Variants in RRBP1 observed in about 807,000 individuals in gnomAD.
RRBP1 encodes the protein ribosome-binding protein 1.
A neutral mutation model predicts 165.2 loss-of-function variants in RRBP1; 94 were observed. That is an observed-to-expected ratio of 0.57 (90% CI 0.48 to 0.68). The LOEUF (loss-of-function observed/expected upper bound fraction) is 0.68, where lower values mean the gene tolerates loss of function less well. Ranked by LOEUF, RRBP1 falls within the 30% of genes least tolerant of loss-of-function variation. The probability of loss-of-function intolerance (pLI) is 0.00; values close to 1 mark genes in which losing one functional copy is unlikely to be tolerated. For synonymous variants in RRBP1, 680 were observed against 714.5 expected (o/e 0.95, Z 0.77); for missense variants, 1,676 against 1,763.0 (o/e 0.95, Z 0.88).
intron 16 of RRBP1, 81 bp from the exon 17 acceptor site, chr20:17,620,888 C>G: frequency 9.8e-7 from 1 of 1,024,918 alleles, no homozygotes; most frequent in Non-Finnish European, 1.4e-6. Context: ...GTCCCTGCAG[C>G]CCTGGTGACC....
Position 17,682,167 on chromosome 20 carries a change from C to CGCCGCCCGCCCCGTCT in RRBP1, c.-254_-239dup, listed in dbSNP as rs1568796638. ...GCAGCTGTAGACGCTGCGACCCTGA[C>CGCCGCCCGCCCCGTCT]GCCGCCCGCCCCGTCTGCCGTCCGC... On this transcript the variant is annotated 5_prime_UTR_variant, in exon 1 of 25. Coordinates refer to ENST00000377813, the MANE Select transcript of RRBP1 (RefSeq NM_001365613.2). 6.6e-6 allele frequency: 1 copy of CGCCGCCCGCCCCGTCT among 152,200 alleles called. No homozygotes were observed. Among genetic ancestry groups the CGCCGCCCGCCCCGTCT allele is most frequent in the East Asian group, 1.9e-4 (1 of 5,156 alleles). 9.4% of individuals were successfully genotyped at this position (152,200 alleles called of 1,614,324 possible).
At chr20:17,641,656 A>AG in intron 5 of RRBP1, 141 bp downstream of exon 5, 1 of 1,009,014 alleles carries the variant, frequency 9.9e-7, no homozygotes, top group African/African-American at 1.6e-5. Context: ...GATAAGCAGC[A>AG]GTCCCTACTC....
rs375628414 is a variant in RRBP1 at position 17,658,881 on chromosome 20, C to T, written c.1627G>A (p.Ala543Thr). ...SPNQGKKGEG[A>T]PIQGKKADSV... ...TCTGCCTTTTTGCCCTGGATGGGAG[C>T]TCCCTCTCCTTTTTTGCCTTGGTTG... is the stretch of plus-strand genomic sequence containing the variant. Residue 543 changes from alanine to threonine, a missense_variant, in exon 3 of 25, where the codon GCT becomes ACT. Ala to Thr is a moderately conservative substitution (Grantham distance 58, BLOSUM62 0). Transcript: ENST00000377813. 46 of 1,613,558 alleles carry T rather than the reference C, an allele frequency of 2.9e-5. No individual in the cohort carries two copies. The highest frequency in any genetic ancestry group is 1.7e-4 in the Admixed American group (10 of 60,008).
intron 7 of RRBP1, among the ~76,000 whole-genome samples, chr20:17,634,608 G>A (rs921184063): frequency 1.3e-5 from 2 of 152,172 alleles, no homozygotes; most frequent in African/African-American, 4.8e-5. Context: ...GGACTGGCAG[G>A]GCCACTGCCT....
chr20:17,674,743 G>A (rs529215389), intron 2 of RRBP1, among the ~76,000 whole-genome samples: 1 of 152,254 alleles, frequency 6.6e-6, no homozygotes, highest in South Asian at 2.1e-4. Flanking sequence ...GGGAGACAGA[G>A]CGAGACTCCC....
chr20:17,631,611 A>C (rs940321554), intron 8 of RRBP1, among the ~76,000 whole-genome samples: 1 of 152,258 alleles, frequency 6.6e-6, no homozygotes, highest in Non-Finnish European at 1.5e-5. Context: ...GGGGACTTTC[A>C]TAAGGCCCTC....
chr20:17,648,628 G>A (rs1238419320), intron 3 of RRBP1, among the ~76,000 whole-genome samples: 2 of 152,242 alleles, frequency 1.3e-5, no homozygotes, highest in African/African-American at 2.4e-5. Flanking sequence ...GGAGAAAAAC[G>A]TAATCGGCTA....
chr20:17,676,064 C>G (rs546097738), intron 2 of RRBP1, among the ~76,000 whole-genome samples: 1 of 152,318 alleles, frequency 6.6e-6, no homozygotes, highest in South Asian at 2.1e-4. Context: ...TAAAAATTCA[C>G]TGGGTGTGGT....
intron 3 of RRBP1, among the ~76,000 whole-genome samples, chr20:17,644,933 G>A (rs971034819): frequency 6.6e-6 from 1 of 152,212 alleles, no homozygotes; most frequent in African/African-American, 2.4e-5. Flanking sequence ...TTTAAATGTG[G>A]CTGAGGACAT....
intron 4 of RRBP1, among the ~76,000 whole-genome samples, chr20:17,642,458 C>A (rs1428430782): frequency 6.6e-6 from 1 of 152,172 alleles, no homozygotes; most frequent in South Asian, 2.1e-4. Flanking sequence ...GGCCTCAGGG[C>A]ACACCTGAGC....
intron 3 of RRBP1, among the ~76,000 whole-genome samples, chr20:17,646,636 C>T (rs1372883982): frequency 6.6e-6 from 1 of 152,190 alleles, no homozygotes; most frequent in Non-Finnish European, 1.5e-5. Context: ...TCAGCATGGC[C>T]GGCCTTCAAG....
At position 17,658,623 on chromosome 20, in the gene RRBP1, A is replaced by G. The variant is rs1159471313; in HGVS notation, c.1885T>C (p.Ser629Pro). 2 of 1,604,350 alleles carry G rather than the reference A, an allele frequency of 1.2e-6. No individual in the cohort carries two copies. The highest frequency in any genetic ancestry group is 2.2e-5 in the East Asian group (1 of 44,786). ...PKQEAPAKKKSGSKKKGEPGP... is the reference protein window; with the variant it reads ...PKQEAPAKKKPGSKKKGEPGP... ...GGCTCACCTTTTTTCTTTGAACCAG[A>G]CTTCTTCTTGGCAGGAGCCTCTTGC... Residue 629 changes from serine to proline, a missense_variant, in exon 3 of 25, where the codon TCT becomes CCT. By Grantham distance (74) the Ser-to-Pro change is moderately conservative (BLOSUM62 -1). Transcript: ENST00000377813.
At chr20:17,624,302 G>A (rs1011004459) in intron 13 of RRBP1, among the ~76,000 whole-genome samples, 1 of 152,230 alleles carries the variant, frequency 6.6e-6, no homozygotes, top group African/African-American at 2.4e-5. Context: ...GTGCGTCCTA[G>A]TGCACCTGTG....
At chr20:17,661,323 T>G (rs2036762362) in intron 2 of RRBP1, among the ~76,000 whole-genome samples, 1 of 152,194 alleles carries the variant, frequency 6.6e-6, no homozygotes, top group Non-Finnish European at 1.5e-5. Context: ...AGCCTGCAAT[T>G]TGCATGTTGG....
At chr20:17,660,694 G>T (rs1320107397) in intron 2 of RRBP1, among the ~76,000 whole-genome samples, 166 bp from the exon 3 acceptor site, 1 of 152,192 alleles carries the variant, frequency 6.6e-6, no homozygotes, top group Non-Finnish European at 1.5e-5. Context: ...ATTCTCACCT[G>T]CTCCTCTTTA....
At chr20:17,673,180 C>G (rs538206485) in intron 2 of RRBP1, among the ~76,000 whole-genome samples, 22 of 152,282 alleles carry the variant, frequency 1.4e-4, no homozygotes, top group Non-Finnish European at 1.2e-4. Context: ...CCCCACAGAT[C>G]CTGGAGGAGG....
chr20:17,614,283 C>G, intron 24 of RRBP1, 63 bp from the exon 25 acceptor site: 1 of 1,539,374 alleles, frequency 6.5e-7, no homozygotes, highest in Non-Finnish European at 8.9e-7. Flanking sequence ...AACCACCTGC[C>G]CTCTACCCTG....
At chr20:17,663,392 G>T (rs1471347983) in intron 2 of RRBP1, among the ~76,000 whole-genome samples, 1 of 152,234 alleles carries the variant, frequency 6.6e-6, no homozygotes, top group Non-Finnish European at 1.5e-5. Context: ...AAACTCGGGA[G>T]AATATTTTTC....
chr20:17,649,652 G>A (rs1219081082), intron 3 of RRBP1, among the ~76,000 whole-genome samples: 3 of 152,116 alleles, frequency 2.0e-5, no homozygotes, highest in Non-Finnish European at 2.9e-5. Context: ...AATTGTTTAA[G>A]GGCCCTGCTA....
Sources: gnomAD v4.1 joint callset for allele counts (sites outside exome capture counted in the v4.1 genomes callset) on GRCh38, gnomAD v4.1.1 for gene constraint, MANE v1.5 for transcripts, NCBI Gene and HGNC (gene_info 2026-07-23, HGNC 2026-07-21) for gene names.